Variants in XPR1 observed in about 807,000 individuals in gnomAD.
XPR1 encodes the protein solute carrier family 53 member 1.
XPR1 carries 28 observed loss-of-function variants against 87.5 expected under a neutral mutation model. The observed-to-expected ratio is 0.32, with a 90% CI of 0.24 to 0.44. The LOEUF is 0.44. Ranked by LOEUF, XPR1 falls within the 20% of genes least tolerant of loss-of-function variation. The probability of loss-of-function intolerance (pLI) is 1.00; values close to 1 mark genes in which losing one functional copy is unlikely to be tolerated. For missense variants in XPR1, 559 were observed against 862.3 expected (o/e 0.65, Z 4.41); for synonymous variants, 300 against 306.1 (o/e 0.98, Z 0.21).
intron 2 of XPR1, among the ~76,000 whole-genome samples, chr1:180,710,793 C>G (rs1463307320): frequency 1.3e-5 from 2 of 148,738 alleles, no homozygotes; most frequent in Admixed American, 1.3e-4. Context: ...GAGGCGCCCC[C>G]CCACCTCCCG....
At chr1:180,862,045 A>G (rs1310188148) in intron 11 of XPR1, among the ~76,000 whole-genome samples, 1 of 152,130 alleles carries the variant, frequency 6.6e-6, no homozygotes, top group Non-Finnish European at 1.5e-5. Flanking sequence ...AGCTATTTAT[A>G]AAGTTATGTA....
At chr1:180,854,862 G>C (rs1651979680) in intron 11 of XPR1, among the ~76,000 whole-genome samples, 1 of 152,160 alleles carries the variant, frequency 6.6e-6, no homozygotes, top group South Asian at 2.1e-4. Flanking sequence ...CATTTTGCCT[G>C]GAGGGCCTAG....
intron 9 of XPR1, among the ~76,000 whole-genome samples, chr1:180,826,000 C>T (rs933251183): frequency 6.6e-6 from 1 of 151,912 alleles, no homozygotes; most frequent in Non-Finnish European, 1.5e-5. Context: ...CAGTGAGCCG[C>T]GATTGTGCCA....
At chr1:180,704,278 T>TATATATATATATATATATATATATA in intron 2 of XPR1, among the ~76,000 whole-genome samples, 2 of 31,926 alleles carry the variant, frequency 6.3e-5, no homozygotes, top group Admixed American at 3.6e-4. Flanking sequence ...ATATATATAT[T>TATATATATATATATATATATATATA]ATCAGATTAT....
chr1:180,779,649 G>C (rs777186735), intron 2 of XPR1, among the ~76,000 whole-genome samples: 1 of 151,860 alleles, frequency 6.6e-6, no homozygotes, highest in African/African-American at 2.4e-5. Flanking sequence ...TACTCAGGAG[G>C]CTGAGGCAGG....
intron 2 of XPR1, among the ~76,000 whole-genome samples, chr1:180,766,227 T>A (rs1211006466): frequency 3.3e-5 from 5 of 152,158 alleles, no homozygotes. Flanking sequence ...ATGTGCACAT[T>A]TCCAAAAAAA....
intron 1 of XPR1, among the ~76,000 whole-genome samples, chr1:180,635,387 A>G (rs890417771): frequency 9.2e-5 from 14 of 152,224 alleles, no homozygotes; most frequent in African/African-American, 3.1e-4. Context: ...TGATTAATCA[A>G]AATTAACTGA....
chr1:180,888,513 G>A lies in XPR1; in HGVS notation c.*4447G>A, dbSNP rs954738505. On this transcript the variant is annotated 3_prime_UTR_variant, in exon 15 of 15. Coordinates refer to ENST00000367590, the MANE Select transcript of XPR1 (RefSeq NM_004736.4). ...TTTTCTCAAATCTAATAGGAATTCAGTGTCATTACAGATACGGTCTCTAGT... is the reference window on the plus strand; with the variant it reads ...TTTTCTCAAATCTAATAGGAATTCAATGTCATTACAGATACGGTCTCTAGT... The A allele has an allele frequency of 7.2e-5, 11 of 151,888 alleles. No individual in the cohort carries two copies. The highest frequency in any genetic ancestry group is 1.5e-4 in the Non-Finnish European group (10 of 67,972). 9.4% of individuals were successfully genotyped at this position (151,888 alleles called of 1,614,324 possible).
chr1:180,828,592 A>G (rs1020185463), intron 9 of XPR1, among the ~76,000 whole-genome samples: 6 of 152,232 alleles, frequency 3.9e-5, no homozygotes, highest in African/African-American at 1.4e-4. Flanking sequence ...TAAAAATTTT[A>G]CACATTTCTA....
intron 11 of XPR1, among the ~76,000 whole-genome samples, chr1:180,848,777 C>T (rs1244485611): frequency 1.3e-5 from 2 of 152,076 alleles, no homozygotes; most frequent in African/African-American, 4.8e-5. Context: ...AGTTTACATT[C>T]CCACCAACAT....
At chr1:180,673,875 T>C (rs749711462) in intron 1 of XPR1, among the ~76,000 whole-genome samples, 18 of 152,226 alleles carry the variant, frequency 1.2e-4, no homozygotes, top group Non-Finnish European at 2.5e-4. Flanking sequence ...ATGTGTATGC[T>C]TGTTTTGCTA....
chr1:180,736,128 G>A (rs1039426744), intron 2 of XPR1, among the ~76,000 whole-genome samples: 2 of 152,190 alleles, frequency 1.3e-5, no homozygotes, highest in African/African-American at 4.8e-5. Context: ...GTAACATAAT[G>A]GGGGTGGTCG....
At chr1:180,701,708 G>T (rs1450866819) in intron 2 of XPR1, among the ~76,000 whole-genome samples, 4 of 139,132 alleles carry the variant, frequency 2.9e-5, no homozygotes, top group Non-Finnish European at 6.1e-5. Flanking sequence ...CCCGGCTTTG[G>T]TATCAGAATG....
intron 2 of XPR1, among the ~76,000 whole-genome samples, chr1:180,786,554 G>C (rs1240455675): frequency 6.6e-6 from 1 of 152,136 alleles, no homozygotes; most frequent in Non-Finnish European, 1.5e-5. Context: ...TACCCTTTTA[G>C]GCTTGGGGTT....
intron 12 of XPR1, among the ~76,000 whole-genome samples, chr1:180,864,433 A>C (rs3908048): frequency 0.44 from 67,476 of 151,912 alleles, 15,386 homozygotes; most frequent in Non-Finnish European, 0.47. Context: ...CTTCACTTCC[A>C]AGCATAATTA....
chr1:180,669,889 G>A (rs1421027100), intron 1 of XPR1, among the ~76,000 whole-genome samples: 1 of 152,174 alleles, frequency 6.6e-6, no homozygotes, highest in Non-Finnish European at 1.5e-5. Context: ...TTATGTGAAT[G>A]TGGTCTCTGT....
At chr1:180,804,321 A>G (rs1217952945) in intron 4 of XPR1, among the ~76,000 whole-genome samples, 1 of 152,224 alleles carries the variant, frequency 6.6e-6, no homozygotes, top group Non-Finnish European at 1.5e-5. Flanking sequence ...AAATTTCTAC[A>G]AAAGCTATCA....
chr1:180,815,825 C>T (rs1273192576), intron 7 of XPR1, among the ~76,000 whole-genome samples: 1 of 152,030 alleles, frequency 6.6e-6, no homozygotes, highest in Non-Finnish European at 1.5e-5. Context: ...CTCATTGTTG[C>T]TATCTCTTTG....
intron 2 of XPR1, among the ~76,000 whole-genome samples, chr1:180,784,063 AC>A (rs757308497): frequency 2.6e-5 from 4 of 151,998 alleles, no homozygotes; most frequent in Non-Finnish European, 4.4e-5. Flanking sequence ...TTAAAAAAAA[AC>A]AAATGGTGAA....
Sources: allele counts gnomAD v4.1 joint callset (sites outside exome capture counted in the v4.1 genomes callset), GRCh38; gene constraint gnomAD v4.1.1; transcripts MANE v1.5; gene names NCBI Gene and HGNC (gene_info 2026-07-23, HGNC 2026-07-21).